Variants in GLRB observed in about 807,000 individuals in gnomAD.
The protein encoded by GLRB is glycine receptor beta.
A neutral mutation model predicts 54.2 loss-of-function variants in GLRB; 33 were observed. That is an observed-to-expected ratio of 0.61 (90% confidence interval 0.46 to 0.81). The LOEUF is 0.81. Ranked by LOEUF, GLRB falls within the 40% of genes least tolerant of loss-of-function variation. GLRB has a pLI of 0.00. For synonymous variants in GLRB, 209 were observed against 208.2 expected (o/e 1.00, Z -0.03); for missense variants, 572 against 584.6 (o/e 0.98, Z 0.22).
intron 4 of GLRB, among the ~76,000 whole-genome samples, chr4:157,131,093 T>C (rs1284095955): frequency 6.6e-6 from 1 of 151,756 alleles, no homozygotes; most frequent in Non-Finnish European, 1.5e-5. Context: ...TTATCTAATT[T>C]TACAGTCATA....
intron 2 of GLRB, among the ~76,000 whole-genome samples, chr4:157,115,703 T>C (rs73856833): frequency 0.16 from 24,488 of 151,692 alleles, 2,146 homozygotes; most frequent in African/African-American, 0.24. Context: ...TGTAGAGTTT[T>C]TATCAGATTT....
intron 9 of GLRB, among the ~76,000 whole-genome samples, chr4:157,157,786 G>A (rs954000673): frequency 6.6e-6 from 1 of 152,128 alleles, no homozygotes; most frequent in African/African-American, 2.4e-5. Flanking sequence ...TGTGAATAGT[G>A]CCGCAATAAA....
intron 2 of GLRB, among the ~76,000 whole-genome samples, chr4:157,087,676 A>G (rs1274546835): frequency 2.0e-5 from 3 of 152,064 alleles, no homozygotes; most frequent in Non-Finnish European, 2.9e-5. Context: ...AAACATAGGT[A>G]TTTAACTGAA....
At chr4:157,077,186 A>G (rs2126405589) in intron 1 of GLRB, among the ~76,000 whole-genome samples, 1 of 152,294 alleles carries the variant, frequency 6.6e-6, no homozygotes, top group Admixed American at 6.5e-5. Flanking sequence ...TATTTATCAG[A>G]ATCTCTGGCA....
chr4:157,147,484 T>G (rs1253219968), intron 8 of GLRB, among the ~76,000 whole-genome samples: 2 of 152,142 alleles, frequency 1.3e-5, no homozygotes, highest in African/African-American at 4.8e-5. Flanking sequence ...ATTGGAGATA[T>G]TTAGTATACA....
Position 157,122,706 on chromosome 4 carries a change from T to A in GLRB, c.297+309T>A, listed in dbSNP as rs530400629. Among the ~76,000 whole-genome samples the A allele has an allele frequency of 5.3e-5, 8 of 151,838 alleles. No homozygotes were observed. In the South Asian group the frequency reaches 1.7e-3, roughly 32 times the overall value. On this transcript the variant is annotated intron_variant, in intron 4 of 9. Coordinates refer to ENST00000264428, the MANE Select transcript of GLRB (RefSeq NM_000824.5). ...TGCCATGAAGACTCTTGGGCAACAG[T>A]TTTTGTTTTCTAATATGCTTATATG...
chr4:157,112,361 G>A (rs1156797410), intron 2 of GLRB, among the ~76,000 whole-genome samples: 1 of 151,756 alleles, frequency 6.6e-6, no homozygotes, highest in Non-Finnish European at 1.5e-5. Flanking sequence ...ATTCTCAAGT[G>A]CATAACCTGT....
chr4:157,096,884 G>A (rs1344173773), intron 2 of GLRB, among the ~76,000 whole-genome samples: 3 of 152,108 alleles, frequency 2.0e-5, no homozygotes, highest in African/African-American at 7.2e-5. Flanking sequence ...CAAAAACTTT[G>A]TTATCCCAAG....
intron 2 of GLRB, among the ~76,000 whole-genome samples, chr4:157,103,063 A>T (rs999101827): frequency 8.6e-5 from 13 of 151,860 alleles, no homozygotes; most frequent in Non-Finnish European, 1.5e-4. Context: ...ATACAGGAGA[A>T]TCCCTTGAAC....
chr4:157,135,225 T>G (rs1159040775), intron 4 of GLRB, among the ~76,000 whole-genome samples: 1 of 152,086 alleles, frequency 6.6e-6, no homozygotes, highest in African/African-American at 2.4e-5. Context: ...ATACTGAACC[T>G]TAATATCAAA....
rs186831115 is a variant in GLRB, at chr4:157,170,867, G to A, written c.*139G>A. 5.4e-4 allele frequency: 312 copies of A among 575,630 alleles called. 1 individual carries two copies. Among genetic ancestry groups the A allele is most frequent in the African/African-American group, 5.3e-3 (285 of 53,462 alleles). The allele number at this position is 575,630 out of a possible 1,614,324, so 35.7% of individuals were successfully genotyped here. On this transcript the variant is annotated 3_prime_UTR_variant, in exon 10 of 10. Coordinates refer to ENST00000264428, the MANE Select transcript of GLRB (RefSeq NM_000824.5). Reference sequence around the variant, plus strand: ...GCCATTTGATTGTAATAAAACTGTGGCACCTTAATTTTGAATGGCAGCATG... The same window carrying A: ...GCCATTTGATTGTAATAAAACTGTGACACCTTAATTTTGAATGGCAGCATG...
At chr4:157,160,352 A>G (rs971102881) in intron 9 of GLRB, among the ~76,000 whole-genome samples, 1 of 151,392 alleles carries the variant, frequency 6.6e-6, no homozygotes, top group African/African-American at 2.4e-5. Flanking sequence ...CTGTGATCTT[A>G]GTTATGTCTT....
chr4:157,081,473 A>C (rs988147719), intron 2 of GLRB, among the ~76,000 whole-genome samples: 1 of 152,218 alleles, frequency 6.6e-6, no homozygotes, highest in African/African-American at 2.4e-5. Context: ...AATCATGTGA[A>C]TAATACAATG....
chr4:157,160,533 C>T (rs1386485775), intron 9 of GLRB, among the ~76,000 whole-genome samples: 3 of 151,808 alleles, frequency 2.0e-5, no homozygotes, highest in Non-Finnish European at 4.4e-5. Context: ...TATGTTGTGT[C>T]TTTGTTCTCG....
At chr4:157,158,396 A>G (rs552240231) in intron 9 of GLRB, among the ~76,000 whole-genome samples, 2 of 152,122 alleles carry the variant, frequency 1.3e-5, no homozygotes, top group East Asian at 3.9e-4. Context: ...TTAGTCATGA[A>G]GTCCTTGCTC....
At position 157,101,554 on chromosome 4, in the gene GLRB, T is replaced by C. The variant is rs560659571; in HGVS notation, c.123-19002T>C. 2.0e-5 allele frequency among the ~76,000 whole-genome samples: 3 copies of C among 152,240 alleles called. No homozygotes were observed. In the South Asian group the frequency reaches 6.2e-4, roughly 32 times the overall value. On this transcript the variant is annotated intron_variant, in intron 2 of 9. Transcript: ENST00000264428. The stretch of plus-strand genomic sequence containing the variant: ...CTTACAATGAGAAAGTTCTCCTTTG[T>C]TTCATCTAAGACTAATTCGGATGAG...
intron 9 of GLRB, among the ~76,000 whole-genome samples, chr4:157,157,788 C>T (rs536501642): frequency 1.3e-4 from 20 of 152,178 alleles, no homozygotes; most frequent in Admixed American, 1.0e-3. Context: ...TGAATAGTGC[C>T]GCAATAAACA....
intron 9 of GLRB, among the ~76,000 whole-genome samples, chr4:157,153,370 A>G (rs1423183732): frequency 6.6e-6 from 1 of 152,134 alleles, no homozygotes; most frequent in Non-Finnish European, 1.5e-5. Flanking sequence ...TCTTAATGAA[A>G]GGCCCGAGGA....
At chr4:157,083,300 T>C (rs1734291950) in intron 2 of GLRB, among the ~76,000 whole-genome samples, 1 of 151,958 alleles carries the variant, frequency 6.6e-6, no homozygotes, top group Admixed American at 6.6e-5. Flanking sequence ...ACTGTGATGG[T>C]GATGAGAAAG....
Sources: allele counts gnomAD v4.1 joint callset (sites outside exome capture counted in the v4.1 genomes callset), GRCh38; gene constraint gnomAD v4.1.1; transcripts MANE v1.5; gene names NCBI Gene and HGNC (gene_info 2026-07-23, HGNC 2026-07-21).